Variants in RNLS observed in about 807,000 individuals in gnomAD.
RNLS encodes the protein renalase, FAD dependent amine oxidase, also known as renalase.
RNLS carries 39 observed loss-of-function variants against 39.8 expected under a neutral mutation model. The observed-to-expected ratio is 0.98, with a 90% CI of 0.76 to 1.28. The LOEUF (loss-of-function observed/expected upper bound fraction) is 1.28. Among genes scored for constraint, RNLS ranks in the 50% most tolerant of loss-of-function variants. The pLI is 0.00. For synonymous variants in RNLS, 147 were observed against 150.7 expected (o/e 0.98, Z 0.18); for missense variants, 410 against 413.3 (o/e 0.99, Z 0.07).
the RNLS span, among the ~76,000 whole-genome samples, chr10:88,213,229 G>A: frequency 6.6e-6 from 1 of 152,158 alleles, no homozygotes; most frequent in East Asian, 1.9e-4. Context: ...AATTTGGGGG[G>A]CAGGATTTCT....
chr10:88,304,624 G>A (rs1844790376), intron 6 of RNLS, among the ~76,000 whole-genome samples: 1 of 151,994 alleles, frequency 6.6e-6, no homozygotes, highest in Admixed American at 6.5e-5. Flanking sequence ...GAAATAAGAT[G>A]GTCAGGCAAG....
intron 4 of RNLS, among the ~76,000 whole-genome samples, chr10:88,510,176 A>G (rs1220932836): frequency 1.3e-5 from 2 of 152,194 alleles, no homozygotes; most frequent in Non-Finnish European, 2.9e-5. Flanking sequence ...TTTCCCCAAT[A>G]GAATAGCACG....
rs867060841 is a variant in RNLS, at chr10:88,327,782, T to C, written c.701-13141A>G. On this transcript the variant is annotated intron_variant, in intron 5 of 6. Coordinates refer to ENST00000331772, the MANE Select transcript of RNLS (RefSeq NM_001031709.3). Reference sequence around the variant, plus strand: ...TACGTATGTATGTATTTTTGTATTTTAGTAGAGACGGAGTTTCACCATGTT... The same window carrying C: ...TACGTATGTATGTATTTTTGTATTTCAGTAGAGACGGAGTTTCACCATGTT... 6.6e-5 allele frequency among the ~76,000 whole-genome samples: 10 copies of C among 152,358 alleles called. No homozygotes were observed. In the Middle Eastern group the frequency reaches 0.01, roughly 155 times the overall value.
the RNLS span, among the ~76,000 whole-genome samples, chr10:88,174,958 T>C: frequency 2.0e-5 from 3 of 152,186 alleles, no homozygotes; most frequent in Non-Finnish European, 4.4e-5. Flanking sequence ...ACTGTTCAGG[T>C]ATTCTATTTC....
chr10:88,216,581 T>A, the RNLS span, among the ~76,000 whole-genome samples: 1 of 152,160 alleles, frequency 6.6e-6, no homozygotes, highest in African/African-American at 2.4e-5. Context: ...TTGGCTTGGG[T>A]CACACACCCA....
chr10:88,338,389 C>T (rs1589590200), intron 5 of RNLS, among the ~76,000 whole-genome samples: 1 of 152,330 alleles, frequency 6.6e-6, no homozygotes, highest in East Asian at 1.9e-4. Context: ...AAGCTTTGGT[C>T]TAGTTTAGCT....
In RNLS at chr10:88,403,883, T is replaced by TA. The variant is rs1196822484; in HGVS notation, c.527-41159dup. ...GACCCTGTCTCTACAAAATAAAACATAAAAAAAAAATTAGTTGTGTGTGGT... is the reference window on the plus strand; with the variant it reads ...GACCCTGTCTCTACAAAATAAAACATAAAAAAAAAAATTAGTTGTGTGTGGT... On this transcript the variant is annotated intron_variant, in intron 4 of 6. Coordinates refer to ENST00000331772, the MANE Select transcript of RNLS (RefSeq NM_001031709.3). Among the ~76,000 whole-genome samples the TA allele has an allele frequency of 9.2e-4, 136 of 148,508 alleles. 1 individual carries two copies. The highest frequency in any genetic ancestry group is 4.9e-4 in the Non-Finnish European group (33 of 66,774).
At chr10:88,539,102 G>C (rs569709362) in intron 4 of RNLS, among the ~76,000 whole-genome samples, 1 of 152,190 alleles carries the variant, frequency 6.6e-6, no homozygotes, top group East Asian at 1.9e-4. Context: ...ATGGACAATG[G>C]ATAAATTAAT....
At chr10:88,309,067 A>G (rs1845153061) in intron 6 of RNLS, among the ~76,000 whole-genome samples, 1 of 152,204 alleles carries the variant, frequency 6.6e-6, no homozygotes, top group Non-Finnish European at 1.5e-5. Flanking sequence ...TGGGAGCTAA[A>G]TGATGAGAAC....
At chr10:88,526,747 C>T (rs1379693417) in intron 4 of RNLS, among the ~76,000 whole-genome samples, 1 of 148,320 alleles carries the variant, frequency 6.7e-6, no homozygotes, top group Admixed American at 6.7e-5. Flanking sequence ...GTCTGGGTGA[C>T]AGAGCAAGAC....
chr10:88,493,092 C>T (rs1373493708), intron 4 of RNLS, among the ~76,000 whole-genome samples: 1 of 152,096 alleles, frequency 6.6e-6, no homozygotes, highest in Non-Finnish European at 1.5e-5. Context: ...GTATAATGGA[C>T]TCCTATTTCT....
chr10:88,395,275 G>A (rs1174105838), intron 4 of RNLS, among the ~76,000 whole-genome samples: 4 of 147,770 alleles, frequency 2.7e-5, no homozygotes, highest in Non-Finnish European at 3.0e-5. Flanking sequence ...CCCAGACATT[G>A]TACTTACTAG....
At chr10:88,202,246 A>C in the RNLS span, among the ~76,000 whole-genome samples, 2 of 146,400 alleles carry the variant, frequency 1.4e-5, no homozygotes, top group Non-Finnish European at 3.0e-5. Context: ...GGAATTGAAC[A>C]ATGAGAACAC....
intron 4 of RNLS, among the ~76,000 whole-genome samples, chr10:88,455,207 C>T (rs1842562249): frequency 6.6e-6 from 1 of 151,458 alleles, no homozygotes; most frequent in Non-Finnish European, 1.5e-5. Context: ...AGGATGGCTA[C>T]AGGTGTGGAT....
At chr10:88,576,335 A>G (rs1850208119) in intron 3 of RNLS, among the ~76,000 whole-genome samples, 3 of 152,330 alleles carry the variant, frequency 2.0e-5, no homozygotes, top group African/African-American at 4.8e-5. Flanking sequence ...TCAGATAGCT[A>G]TAAAGATATC....
At chr10:88,255,563 C>T in the RNLS span, among the ~76,000 whole-genome samples, 1 of 152,144 alleles carries the variant, frequency 6.6e-6, no homozygotes, top group African/African-American at 2.4e-5. Context: ...AACAACTAGA[C>T]GTTGGAGGCT....
At position 88,573,002 on chromosome 10, in the gene RNLS, C is replaced by A; in HGVS notation, c.427G>T (p.Glu143Ter). ...GGGGAGCCTGTTTGTTTGGATACTT[C>A]CCATTTGTCATCTCTTAGGTTGATC... is the stretch of plus-strand genomic sequence containing the variant. Reference protein sequence around the residue: ...TQINLRDDKWEVSKQTGSPEQ... With the variant: ...TQINLRDDKW Residue 143 changes from glutamate (E) to a stop codon, truncating the protein, a stop_gained, in exon 4 of 7, where the codon GAA becomes TAA. Coordinates refer to ENST00000331772, the MANE Select transcript of RNLS (RefSeq NM_001031709.3). LOFTEE classifies it high-confidence loss of function. The A allele has an allele frequency of 6.2e-7, 1 of 1,614,052 alleles. No individual in the cohort carries two copies. The highest frequency in any genetic ancestry group is 8.5e-7 in the Non-Finnish European group (1 of 1,179,948).
chr10:88,520,312 A>G (rs932858738), intron 4 of RNLS, among the ~76,000 whole-genome samples: 1 of 151,980 alleles, frequency 6.6e-6, no homozygotes, highest in Non-Finnish European at 1.5e-5. Flanking sequence ...ACTCGCAACA[A>G]TTATTAAAGT....
At chr10:88,375,415 A>G (rs902810237) in intron 4 of RNLS, among the ~76,000 whole-genome samples, 1 of 152,184 alleles carries the variant, frequency 6.6e-6, no homozygotes, top group Non-Finnish European at 1.5e-5. Context: ...GTTAATAACC[A>G]ATGTCCAATA....
Sources: allele counts gnomAD v4.1 joint callset (sites outside exome capture counted in the v4.1 genomes callset), GRCh38; gene constraint gnomAD v4.1.1; transcripts MANE v1.5; gene names NCBI Gene and HGNC (gene_info 2026-07-23, HGNC 2026-07-21).